FBXW8: variants seen among roughly 807,000 people sequenced by gnomAD.
FBXW8 encodes F-box and WD repeat domain containing 8, also known as F-box/WD repeat-containing protein 8.
FBXW8 carries 57 observed loss-of-function variants against 65.3 expected under a neutral mutation model. That is an observed-to-expected ratio of 0.87 (90% confidence interval 0.71 to 1.09). The LOEUF (loss-of-function observed/expected upper bound fraction) is 1.09. Ranked by LOEUF, FBXW8 falls within the 50% of genes least tolerant of loss-of-function variation. FBXW8 has a pLI of 0.00. For synonymous variants in FBXW8, 308 were observed against 330.2 expected (o/e 0.93, Z 0.73); for missense variants, 777 against 814.8 (o/e 0.95, Z 0.57).
intron 7 of FBXW8, among the ~76,000 whole-genome samples, chr12:116,997,967 C>T (rs1349800045): frequency 6.6e-6 from 1 of 152,142 alleles, no homozygotes; most frequent in Non-Finnish European, 1.5e-5. Context: ...AGGCGTGTGC[C>T]ACCATGCCTA....
chr12:116,970,179 C>T (rs193054480), intron 5 of FBXW8, among the ~76,000 whole-genome samples: 10 of 152,256 alleles, frequency 6.6e-5, no homozygotes, highest in East Asian at 3.9e-4. Context: ...CCCTGGTCAC[C>T]GAGTTTGTCT....
chr12:117,022,381 G>A (rs1412511551), intron 8 of FBXW8, among the ~76,000 whole-genome samples: 2 of 151,768 alleles, frequency 1.3e-5, no homozygotes, highest in Non-Finnish European at 2.9e-5. Flanking sequence ...CAGGCTGGGT[G>A]CAATGGCACA....
intron 9 of FBXW8, among the ~76,000 whole-genome samples, chr12:117,026,012 GCTGACAGACACATGGTCTC>G (rs1954218876): frequency 6.6e-6 from 1 of 152,234 alleles, no homozygotes; most frequent in Non-Finnish European, 1.5e-5. Context: ...CCAGCACAAG[GCTGACAGACACATGGTCTC>G]CTGCCCAGAA....
intron 8 of FBXW8, among the ~76,000 whole-genome samples, chr12:117,011,941 T>G (rs1176954772): frequency 1.3e-5 from 2 of 152,228 alleles, no homozygotes; most frequent in Non-Finnish European, 1.5e-5. Context: ...TGAATCATAA[T>G]GAAGCGATGT....
At chr12:116,987,426 A>G (rs966687772) in intron 6 of FBXW8, 7 of 152,244 alleles carry the variant, frequency 4.6e-5, no homozygotes, top group African/African-American at 1.7e-4. Flanking sequence ...GAATCAAATT[A>G]TTCTTGAAAA....
rs148779892 is a variant in FBXW8 at position 116,988,665 on chromosome 12, T to A, written c.1035T>A (p.Val345=). The stretch of plus-strand genomic sequence containing the variant: ...AAACAACTCTTACCTTTTAACAGGT[T>A]CAGTACCTTGAAATAGTTCCAGAAA... The part of the protein sequence containing the change: ...IAAEFEVPKL[V]QYLEIVPETR... The change falls in exon 7 of 11, where the codon GTT becomes GTA. Residue 345 remains valine, a splice_region_variant and synonymous_variant. Coordinates refer to ENST00000652555, the MANE Select transcript of FBXW8 (RefSeq NM_153348.3). 1 of 1,614,104 alleles carries A rather than the reference T, an allele frequency of 6.2e-7. No homozygotes were observed. The highest frequency in any genetic ancestry group is 8.5e-7 in the Non-Finnish European group (1 of 1,179,984).
At chr12:116,922,668 T>C (rs546540249) in intron 1 of FBXW8, among the ~76,000 whole-genome samples, 5 of 152,342 alleles carry the variant, frequency 3.3e-5, no homozygotes, top group African/African-American at 1.2e-4. Flanking sequence ...CACATAGGAA[T>C]ACAAATCAGC....
intron 1 of FBXW8, among the ~76,000 whole-genome samples, chr12:116,917,484 A>G (rs1389991813): frequency 6.6e-6 from 1 of 152,128 alleles, no homozygotes; most frequent in Non-Finnish European, 1.5e-5. Flanking sequence ...TTCTTCTCCA[A>G]CCTTTGGCAC....
At chr12:116,980,874 A>G (rs982653881) in intron 5 of FBXW8, among the ~76,000 whole-genome samples, 2 of 152,110 alleles carry the variant, frequency 1.3e-5, no homozygotes, top group African/African-American at 4.8e-5. Flanking sequence ...GTTATTAAAT[A>G]TTTGTTTCTC....
chr12:117,027,482 G>T lies in FBXW8; in HGVS notation c.1630G>T (p.Asp544Tyr). ...GACGGTAATGCGAAACGCCGACCTGGACAGCTTCACTACTCACAGGAGGTT... is the reference window on the plus strand; with the variant it reads ...GACGGTAATGCGAAACGCCGACCTGTACAGCTTCACTACTCACAGGAGGTT... ...YQTVMRNADL[D>Y]SFTTHRRHRG... Residue 544 changes from aspartate to tyrosine, a missense_variant, in exon 10 of 11, where the codon GAC (aspartate) becomes TAC (tyrosine). Physicochemically the swap from Asp to Tyr is radical, Grantham distance 160. Coordinates refer to ENST00000652555, the MANE Select transcript of FBXW8 (RefSeq NM_153348.3). 6.2e-7 allele frequency: 1 copy of T among 1,614,144 alleles called. No homozygotes were observed. Among genetic ancestry groups the T allele is most frequent in the Non-Finnish European group, 8.5e-7 (1 of 1,179,996 alleles).
intron 8 of FBXW8, among the ~76,000 whole-genome samples, chr12:117,018,016 G>A (rs1454729306): frequency 6.6e-6 from 1 of 152,200 alleles, no homozygotes; most frequent in Non-Finnish European, 1.5e-5. Flanking sequence ...CCATCTGCAA[G>A]TGTTATAATA....
Position 116,928,141 on chromosome 12 carries a change from A to G in FBXW8, c.423+14A>G, listed in dbSNP as rs1377466676. On this transcript the variant is annotated intron_variant, in intron 2 of 10. Coordinates refer to ENST00000652555, the MANE Select transcript of FBXW8 (RefSeq NM_153348.3). Reference sequence around the variant, plus strand: ...AGATGTGCACAGGTAAGGTGTCACCAACAGATGTTCCAGATTTTCCTAAAT... The same window carrying G: ...AGATGTGCACAGGTAAGGTGTCACCGACAGATGTTCCAGATTTTCCTAAAT... 6.6e-7 allele frequency: 1 copy of G among 1,504,594 alleles called. No homozygotes were observed. The highest frequency in any genetic ancestry group is 9.2e-7 in the Non-Finnish European group (1 of 1,083,722). 93.2% of individuals were successfully genotyped at this position (1,504,594 alleles called of 1,614,324 possible). A position where few individuals can be genotyped will look rare whatever the true frequency, so the allele number is the denominator to read the frequency against.
chr12:116,931,080 A>G (rs940264865), intron 2 of FBXW8, among the ~76,000 whole-genome samples: 3 of 152,194 alleles, frequency 2.0e-5, no homozygotes, highest in South Asian at 4.1e-4. Flanking sequence ...GTGAGATGGG[A>G]TCTAATTTCA....
chr12:116,972,837 C>A lies in FBXW8; in HGVS notation c.835+7983C>A, dbSNP rs542039358. On this transcript the variant is annotated intron_variant, in intron 5 of 10. Transcript: ENST00000652555. ...GTATGTATATATGTTTATGTGTGTC[C>A]TGGCTTTGTTTGCTGAGAAGGTGTA... Among the ~76,000 whole-genome samples the A allele has an allele frequency of 3.3e-5, 5 of 152,226 alleles. No homozygotes were observed. In the East Asian group the frequency reaches 7.7e-4, roughly 23 times the overall value.
Position 116,949,694 on chromosome 12 carries a change from T to C in FBXW8, c.665T>C (p.Val222Ala). The C allele has an allele frequency of 6.2e-7, 1 of 1,614,144 alleles. No homozygotes were observed. The highest frequency in any genetic ancestry group is 2.2e-5 in the East Asian group (1 of 44,880). The change falls in exon 4 of 11, where the codon GTG becomes GCG. Residue 222 changes from valine (V) to alanine (A), a missense_variant. Transcript: ENST00000652555. ...VLCDVHSHDG[V>A]VIAGYTSGDV... is the part of the protein sequence containing the mutation. ...TGTGATGTGCATTCTCACGATGGTG[T>C]GGTCATTGCGGGGTAAGCCAAACCG...
intron 4 of FBXW8, among the ~76,000 whole-genome samples, chr12:116,955,041 G>GC (rs900645024): frequency 6.6e-5 from 10 of 151,320 alleles, no homozygotes; most frequent in Middle Eastern, 3.4e-3. Flanking sequence ...TGAAATGGGG[G>GC]GGGGGGGCCC....
chr12:116,973,744 G>A (rs983579650), intron 5 of FBXW8, among the ~76,000 whole-genome samples: 1 of 152,314 alleles, frequency 6.6e-6, no homozygotes, highest in African/African-American at 2.4e-5. Context: ...GGAGTGCAGT[G>A]TGTCATCCTG....
intron 1 of FBXW8, among the ~76,000 whole-genome samples, chr12:116,922,258 T>C (rs551575046): frequency 2.6e-5 from 4 of 152,154 alleles, no homozygotes; most frequent in African/African-American, 9.7e-5. Context: ...AGTTTTTTTC[T>C]TCTCAAAGAA....
chr12:117,027,631 G>A (rs945400534), intron 10 of FBXW8, 127 bp downstream of exon 10: 11 of 761,118 alleles, frequency 1.4e-5, no homozygotes, highest in Non-Finnish European at 1.8e-5. Flanking sequence ...GCCTTTCTGC[G>A]AATTGGAAAC....
Sources: gnomAD v4.1 joint callset for allele counts (sites outside exome capture counted in the v4.1 genomes callset) on GRCh38, gnomAD v4.1.1 for gene constraint, MANE v1.5 for transcripts, NCBI Gene and HGNC (gene_info 2026-07-23, HGNC 2026-07-21) for gene names.